ZNF208: variants seen among roughly 807,000 people sequenced by gnomAD.
The protein encoded by ZNF208 is zinc finger protein 95.
Under a neutral mutation model 12.1 loss-of-function variants are expected in ZNF208, and 10 were observed. That is an observed-to-expected ratio of 0.83 (90% CI 0.51 to 1.40). ZNF208 has a LOEUF of 1.40. Among genes scored for constraint, ZNF208 ranks in the 40% most tolerant of loss-of-function variants. ZNF208 has a pLI of 0.00. For missense variants in ZNF208, 1,652 were observed against 1,485.0 expected (o/e 1.11, Z -1.85); for synonymous variants, 497 against 488.4 (o/e 1.02, Z -0.23).
At chr19:21,957,821 AATTTTATTTT>A (rs1205719785) in intron 4 of ZNF208, among the ~76,000 whole-genome samples, 1 of 150,882 alleles carries the variant, frequency 6.6e-6, no homozygotes. Flanking sequence ...CTTTTTTTTA[AATTTTATTTT>A]ATTTTATTTT....
At chr19:21,983,869 A>G (rs553080458) in intron 3 of ZNF208, among the ~76,000 whole-genome samples, 22 of 152,166 alleles carry the variant, frequency 1.4e-4, no homozygotes, top group Admixed American at 1.0e-3. Flanking sequence ...GGGCTAGGGG[A>G]GGGATAACAT....
At chr19:21,949,729 A>T (rs1969863301) in intron 4 of ZNF208, among the ~76,000 whole-genome samples, 1 of 152,228 alleles carries the variant, frequency 6.6e-6, no homozygotes, top group East Asian at 1.9e-4. Context: ...CTTAAGGTCC[A>T]GCTCAACAAC....
At chr19:21,964,013 G>C (rs145749507), downstream of ZNF208, among the ~76,000 whole-genome samples, 1,173 of 151,934 alleles carry the variant, frequency 7.7e-3, 9 homozygotes, top group African/African-American at 0.026. Flanking sequence ...CCACAAAAAT[G>C]ATAGGTGAGT....
chr19:21,985,959 C>A (rs1417601488), intron 3 of ZNF208, among the ~76,000 whole-genome samples: 1 of 152,082 alleles, frequency 6.6e-6, no homozygotes, highest in East Asian at 1.9e-4. Context: ...TTACTCTGTC[C>A]AAAAATAAAA....
At chr19:22,002,174 A>G (rs747967031) in intron 1 of ZNF208, among the ~76,000 whole-genome samples, 1 of 152,072 alleles carries the variant, frequency 6.6e-6, no homozygotes, top group Non-Finnish European at 1.5e-5. Context: ...CCCTCAACAA[A>G]CTAGGCATTG....
chr19:22,001,686 T>A (rs1970949387), intron 1 of ZNF208, among the ~76,000 whole-genome samples: 1 of 151,290 alleles, frequency 6.6e-6, no homozygotes, highest in Admixed American at 6.6e-5. Flanking sequence ...GGTCAGGAGT[T>A]CAAGACCAGC....
At chr19:21,965,886 C>CATAAATA, downstream of ZNF208, 1 of 151,910 alleles carries the variant, frequency 6.6e-6, no homozygotes, top group Admixed American at 6.6e-5. Context: ...ACAGTTAATA[C>CATAAATA]ATAAATAATA....
intron 1 of ZNF208, among the ~76,000 whole-genome samples, chr19:22,003,459 TA>T (rs1175046045): frequency 6.9e-6 from 1 of 143,916 alleles, no homozygotes; most frequent in Non-Finnish European, 1.5e-5. Flanking sequence ...CTAGAATCCA[TA>T]AGGAACTAAA....
intron 3 of ZNF208, among the ~76,000 whole-genome samples, chr19:21,985,072 T>TA (rs1970611072): frequency 6.6e-6 from 1 of 152,156 alleles, no homozygotes; most frequent in Non-Finnish European, 1.5e-5. Flanking sequence ...CACTCAGTTT[T>TA]AAAAAAGCAG....
At chr19:22,009,005 GAAAAAA>G in intron 1 of ZNF208, among the ~76,000 whole-genome samples, 1 of 152,222 alleles carries the variant, frequency 6.6e-6, no homozygotes, top group East Asian at 1.9e-4. Context: ...TCAGGTCCAA[GAAAAAA>G]CTGAAGGGTG....
At chr19:22,010,679 GGGCACAGATGT>G (rs781298019) in intron 1 of ZNF208, 102 bp downstream of exon 1, 11 of 1,534,690 alleles carry the variant, frequency 7.2e-6, no homozygotes, top group Non-Finnish European at 9.9e-6. Flanking sequence ...CAAGAACTCG[GGGCACAGATGT>G]GGAGCTGACT....
intron 4 of ZNF208, among the ~76,000 whole-genome samples, chr19:21,955,745 G>T (rs1969963674): frequency 6.6e-6 from 1 of 151,986 alleles, no homozygotes; most frequent in Non-Finnish European, 1.5e-5. Context: ...TTTTTTCAAG[G>T]TTTTCAGCTT....
chr19:21,987,213 T>C lies in ZNF208; in HGVS notation c.226+3A>G. Reference sequence around the variant, plus strand: ...CATGTTGTCTGTATTCACTCTCACCTACCTGGGGATTCTTCCACCATCTCA... The same window carrying C: ...CATGTTGTCTGTATTCACTCTCACCCACCTGGGGATTCTTCCACCATCTCA... On this transcript the variant is annotated splice_donor_region_variant and intron_variant, in intron 3 of 3. Coordinates refer to ENST00000397126, the MANE Select transcript of ZNF208 (RefSeq NM_007153.3). 6.2e-7 allele frequency: 1 copy of C among 1,609,744 alleles called. No individual in the cohort carries two copies. The highest frequency in any genetic ancestry group is 8.5e-7 in the Non-Finnish European group (1 of 1,178,310).
chr19:21,982,414 A>G (rs1970558956), intron 3 of ZNF208, among the ~76,000 whole-genome samples: 1 of 151,784 alleles, frequency 6.6e-6, no homozygotes, highest in East Asian at 1.9e-4. Flanking sequence ...AAGAATCAAT[A>G]TCATGAAAAT....
chr19:21,977,561 T>C (rs1323593705), intron 3 of ZNF208, among the ~76,000 whole-genome samples: 1 of 152,182 alleles, frequency 6.6e-6, no homozygotes, highest in East Asian at 1.9e-4. Flanking sequence ...ACTGTGCTTT[T>C]CCCATGGTCT....
intron 3 of ZNF208, among the ~76,000 whole-genome samples, chr19:21,980,598 C>T (rs1394229763): frequency 6.6e-6 from 1 of 152,046 alleles, no homozygotes; most frequent in South Asian, 2.1e-4. Flanking sequence ...GCACTAAATG[C>T]CCACAAAAGA....
intron 4 of ZNF208, among the ~76,000 whole-genome samples, chr19:21,955,082 C>A (rs1160271284): frequency 3.9e-5 from 6 of 152,208 alleles, no homozygotes; most frequent in Non-Finnish European, 8.8e-5. Context: ...ATTTCTCCTT[C>A]ACTTATGAAG....
chr19:21,969,205 G>GCCAACTATGTCTTGCCACTATGTTGGC lies in ZNF208; in HGVS notation c.*1985_*1986insGCCAACATAGTGGCAAGACATAGTTGG, dbSNP rs1434200971. On this transcript the variant is annotated 3_prime_UTR_variant, in exon 4 of 4. Transcript: ENST00000397126. Reference sequence around the variant, plus strand: ...CCACTATGTTGGCAAGGCTGGTCTTGAACTCCTGACCTCAGGTGATCTGCC... The same window carrying GCCAACTATGTCTTGCCACTATGTTGGC: ...CCACTATGTTGGCAAGGCTGGTCTTGCCAACTATGTCTTGCCACTATGTTGGCAACTCCTGACCTCAGGTGATCTGCC... 6.6e-6 allele frequency among the ~76,000 whole-genome samples: 1 copy of GCCAACTATGTCTTGCCACTATGTTGGC among 151,716 alleles called. No individual in the cohort carries two copies. Among genetic ancestry groups the GCCAACTATGTCTTGCCACTATGTTGGC allele is most frequent in the Non-Finnish European group, 1.5e-5 (1 of 67,956 alleles).
intron 3 of ZNF208, among the ~76,000 whole-genome samples, chr19:21,975,876 C>T (rs1457923381): frequency 8.6e-6 from 1 of 116,632 alleles, no homozygotes; most frequent in African/African-American, 3.4e-5. Flanking sequence ...ATAATACCAT[C>T]AGCAACTCTG....
Sources: gnomAD v4.1 joint callset for allele counts (sites outside exome capture counted in the v4.1 genomes callset) on GRCh38, gnomAD v4.1.1 for gene constraint, MANE v1.5 for transcripts, NCBI Gene and HGNC (gene_info 2026-07-23, HGNC 2026-07-21) for gene names.